The following LRRC1 variants were observed in gnomAD, a reference collection of about 807,000 sequenced individuals.
The protein encoded by LRRC1 is leucine-rich repeat-containing protein 1.
In LRRC1, 28 loss-of-function variants were observed where a neutral mutation model predicts 69.9. The observed-to-expected ratio is 0.40, with a 90% CI of 0.30 to 0.55. The LOEUF (loss-of-function observed/expected upper bound fraction) is 0.55. Among genes scored for constraint, LRRC1 ranks in the 20% least tolerant of loss-of-function variants. The pLI is 0.47. For missense variants in LRRC1, 498 were observed against 609.0 expected, an observed-to-expected ratio of 0.82 and a Z score of 1.92; for synonymous variants, 236 against 240.2, an observed-to-expected ratio of 0.98 and a Z score of 0.16.
chr6:53,876,539 A>G (rs1767075873), intron 2 of LRRC1, among the ~76,000 whole-genome samples: 1 of 152,242 alleles, frequency 6.6e-6, no homozygotes, highest in Admixed American at 6.5e-5. Context: ...TGAGCCTGTA[A>G]AATCAAAAGC....
intron 1 of LRRC1, among the ~76,000 whole-genome samples, chr6:53,816,637 T>C (rs984440613): frequency 1.3e-5 from 2 of 152,168 alleles, no homozygotes; most frequent in Non-Finnish European, 2.9e-5. Flanking sequence ...AATATATAAA[T>C]CACAGGTTAA....
chr6:53,875,511 TTACCTC>T (rs1482739134), intron 2 of LRRC1, among the ~76,000 whole-genome samples: 19 of 152,176 alleles, frequency 1.2e-4, no homozygotes, highest in African/African-American at 4.6e-4. Context: ...CAATAAAAGA[TTACCTC>T]TAGGTGATGA....
At chr6:53,913,781 A>G (rs1296552839) in intron 10 of LRRC1, 73 bp from the exon 11 acceptor site, 5 of 914,696 alleles carry the variant, frequency 5.5e-6, no homozygotes, top group African/African-American at 1.6e-5. Context: ...CTGTTTGGTA[A>G]ACAAGGTACT....
At chr6:53,849,262 A>G (rs1030901307) in intron 2 of LRRC1, among the ~76,000 whole-genome samples, 1 of 152,148 alleles carries the variant, frequency 6.6e-6, no homozygotes, top group African/African-American at 2.4e-5. Context: ...CGTACATGCT[A>G]CGCTCTGTGT....
At chr6:53,896,347 G>A in intron 4 of LRRC1, 151 bp from the exon 5 acceptor site, 2 of 675,100 alleles carry the variant, frequency 3.0e-6, no homozygotes, top group South Asian at 3.3e-5. Context: ...TGGGTGTGGG[G>A]GGTGGTGATG....
intron 2 of LRRC1, among the ~76,000 whole-genome samples, chr6:53,847,221 G>A (rs1229140944): frequency 2.0e-5 from 3 of 152,164 alleles, no homozygotes; most frequent in Middle Eastern, 3.4e-3. Context: ...TTTGTATCTC[G>A]TGGTGATAAT....
chr6:53,865,359 C>T (rs1766667380), intron 2 of LRRC1, among the ~76,000 whole-genome samples: 1 of 152,092 alleles, frequency 6.6e-6, no homozygotes, highest in Admixed American at 6.5e-5. Context: ...TCTCCTTAAA[C>T]ACTCAAAACA....
chr6:53,822,042 A>G (rs1260245961), intron 1 of LRRC1, among the ~76,000 whole-genome samples: 1 of 152,026 alleles, frequency 6.6e-6, no homozygotes, highest in African/African-American at 2.4e-5. Flanking sequence ...TAATTACTGT[A>G]CTTGTCATGT....
At chr6:53,877,752 T>C (rs1199873700) in intron 2 of LRRC1, among the ~76,000 whole-genome samples, 1 of 152,186 alleles carries the variant, frequency 6.6e-6, no homozygotes, top group Non-Finnish European at 1.5e-5. Flanking sequence ...TCCATATTGC[T>C]ATCAGGCTTT....
chr6:53,876,402 A>G (rs1368118383), intron 2 of LRRC1, among the ~76,000 whole-genome samples: 1 of 151,674 alleles, frequency 6.6e-6, no homozygotes, highest in East Asian at 1.9e-4. Context: ...CCCAAATCTC[A>G]TGTCCTCACA....
At chr6:53,900,834 G>C in intron 8 of LRRC1, among the ~76,000 whole-genome samples, 1 of 152,178 alleles carries the variant, frequency 6.6e-6, no homozygotes, top group South Asian at 2.1e-4. Flanking sequence ...CTTTGAAGTT[G>C]AAAGAGACTG....
intron 1 of LRRC1, among the ~76,000 whole-genome samples, chr6:53,805,906 G>A (rs1168043467): frequency 6.6e-6 from 1 of 152,218 alleles, no homozygotes; most frequent in Non-Finnish European, 1.5e-5. Flanking sequence ...ACAGTCTGGC[G>A]GCATGCCATG....
At chr6:53,905,813 T>C (rs1173586441) in intron 10 of LRRC1, among the ~76,000 whole-genome samples, 1 of 152,220 alleles carries the variant, frequency 6.6e-6, no homozygotes, top group Non-Finnish European at 1.5e-5. Flanking sequence ...TGAAACATCC[T>C]TAATATGAAC....
At chr6:53,800,868 GACCTCA>G (rs555724004) in intron 1 of LRRC1, among the ~76,000 whole-genome samples, 20 of 152,274 alleles carry the variant, frequency 1.3e-4, no homozygotes, top group Middle Eastern at 3.4e-3. Context: ...TCAAATTCGT[GACCTCA>G]AGTGATCTGC....
chr6:53,902,330 C>T (rs1768086186), intron 8 of LRRC1, among the ~76,000 whole-genome samples: 1 of 152,122 alleles, frequency 6.6e-6, no homozygotes, highest in African/African-American at 2.4e-5. Flanking sequence ...GAAACACCTC[C>T]ACGGAGAGAA....
chr6:53,820,510 G>A (rs1299727448), intron 1 of LRRC1, among the ~76,000 whole-genome samples: 19 of 150,496 alleles, frequency 1.3e-4, no homozygotes, highest in Non-Finnish European at 1.5e-5. Flanking sequence ...CATACTCTCC[G>A]ACAAGCAGAT....
chr6:53,872,730 A>G (rs1055135524), intron 2 of LRRC1, among the ~76,000 whole-genome samples: 1 of 146,892 alleles, frequency 6.8e-6, no homozygotes, highest in African/African-American at 2.5e-5. Flanking sequence ...TAGTATAGAC[A>G]CTTTTAACAA....
At chr6:53,813,626 A>G (rs1231695581) in intron 1 of LRRC1, among the ~76,000 whole-genome samples, 2 of 148,404 alleles carry the variant, frequency 1.3e-5, no homozygotes, top group Non-Finnish European at 3.0e-5. Context: ...ATGGACAATG[A>G]TTCAACAATT....
At chr6:53,922,581 T>C (rs1176105439) in intron 13 of LRRC1, 54 bp from the exon 14 acceptor site, 2 of 1,510,032 alleles carry the variant, frequency 1.3e-6, no homozygotes, top group African/African-American at 1.4e-5. Flanking sequence ...GCTGCATGTT[T>C]TGAAAAAAGT....
Sources: gnomAD v4.1 joint callset for allele counts (sites outside exome capture counted in the v4.1 genomes callset) on GRCh38, gnomAD v4.1.1 for gene constraint, MANE v1.5 for transcripts, NCBI Gene and HGNC (gene_info 2026-07-23, HGNC 2026-07-21) for gene names.